PRKN: variants seen among roughly 807,000 people sequenced by gnomAD.
PRKN encodes the protein parkin RBR E3 ubiquitin protein ligase, also known as E3 ubiquitin-protein ligase parkin.
PRKN carries 56 observed loss-of-function variants against 59.5 expected under a neutral mutation model. The ratio of observed to expected loss-of-function variants is 0.94; its 90% CI spans 0.76 to 1.18. The LOEUF is 1.18. PRKN is among the 50% of genes most tolerant of loss of function. PRKN has a pLI of 0.00. For missense variants in PRKN, 657 were observed against 596.4 expected (o/e 1.10, Z -1.06); for synonymous variants, 250 against 222.1 (o/e 1.13, Z -1.12).
intron 9 of PRKN, among the ~76,000 whole-genome samples, chr6:161,492,542 A>G (rs914660215): frequency 6.6e-6 from 1 of 152,228 alleles, no homozygotes; most frequent in Non-Finnish European, 1.5e-5. Context: ...ATCTCTAATC[A>G]TAAGATAGTT....
At chr6:161,691,879 T>G (rs962804695) in intron 7 of PRKN, among the ~76,000 whole-genome samples, 1 of 151,172 alleles carries the variant, frequency 6.6e-6, no homozygotes. Context: ...TCTGGAATAC[T>G]GATTTTGGGG....
rs1193377456 is a variant in PRKN at position 161,448,586 on chromosome 6, C to T, written c.1084-61709G>A. Among the ~76,000 whole-genome samples, 2 of 152,148 alleles carry T rather than the reference C, an allele frequency of 1.3e-5. No individual in the cohort carries two copies. Among genetic ancestry groups the T allele is most frequent in the Non-Finnish European group, 2.9e-5 (2 of 68,036 alleles). On this transcript the variant is annotated intron_variant, in intron 9 of 11. Coordinates refer to ENST00000366898, the MANE Select transcript of PRKN (RefSeq NM_004562.3). This position sits in a 1 kb window ranked among gnomAD's most constrained non-coding sequence, Gnocchi z 5.1. ...TTCTCTTCTTTCTCTTTCTCTGTCCCCCGAGGTAGCATCTATGCTGACGTT... is the reference window on the plus strand; with the variant it reads ...TTCTCTTCTTTCTCTTTCTCTGTCCTCCGAGGTAGCATCTATGCTGACGTT...
chr6:162,528,314 G>A (rs1472544353), intron 1 of PRKN, among the ~76,000 whole-genome samples: 6 of 135,246 alleles, frequency 4.4e-5, no homozygotes, highest in South Asian at 2.3e-4. Flanking sequence ...GTGAAACTCC[G>A]TCTCAAAAGA....
intron 1 of PRKN, among the ~76,000 whole-genome samples, chr6:162,530,633 A>G (rs1778472040): frequency 6.6e-6 from 1 of 152,200 alleles, no homozygotes; most frequent in African/African-American, 2.4e-5. Context: ...GCAGTGAGAA[A>G]AGCACTGGAA....
At position 162,240,511 on chromosome 6, in the gene PRKN, A is replaced by G. The variant is rs914210147; in HGVS notation, c.412+22014T>C. ...GATTAGAAGCAATTAACTTATTTCT[A>G]TTTTGAAAAATTAGGCTAGCAAATG... On this transcript the variant is annotated intron_variant, in intron 3 of 11. Transcript: ENST00000366898. Among the ~76,000 whole-genome samples, 4 of 152,328 alleles carry G rather than the reference A, an allele frequency of 2.6e-5. No homozygotes were observed. In the South Asian group the frequency reaches 8.3e-4, roughly 32 times the overall value.
chr6:162,720,050 G>A (rs1265656012), intron 1 of PRKN, among the ~76,000 whole-genome samples: 2 of 152,052 alleles, frequency 1.3e-5, no homozygotes, highest in Non-Finnish European at 2.9e-5. Context: ...TACTCTGCGG[G>A]TACAATAAGC....
intron 1 of PRKN, among the ~76,000 whole-genome samples, chr6:162,573,342 G>A (rs548617595): frequency 6.6e-5 from 10 of 152,230 alleles, no homozygotes; most frequent in African/African-American, 2.2e-4. Flanking sequence ...GCAGGCCCAG[G>A]AGCTGATTTG....
chr6:161,412,200 T>C (rs1421403753), intron 9 of PRKN, among the ~76,000 whole-genome samples: 1 of 144,930 alleles, frequency 6.9e-6, no homozygotes, highest in Non-Finnish European at 1.5e-5. Flanking sequence ...CTCCACTCAC[T>C]CTTTCCTTCC....
At chr6:162,495,891 C>T (rs956166327) in intron 1 of PRKN, among the ~76,000 whole-genome samples, 3 of 152,150 alleles carry the variant, frequency 2.0e-5, no homozygotes, top group Non-Finnish European at 4.4e-5. Context: ...CCTTTCCATA[C>T]ATTCATTCAC....
At position 161,484,126 on chromosome 6, in the gene PRKN, G is replaced by A. The variant is rs541307326; in HGVS notation, c.1083+64728C>T. Among the ~76,000 whole-genome samples, 6 of 152,120 alleles carry A rather than the reference G, an allele frequency of 3.9e-5. No homozygotes were observed. Among genetic ancestry groups the A allele is most frequent in the African/African-American group, 4.8e-5 (2 of 41,488 alleles). Reference sequence around the variant, plus strand: ...TGTGCAGCAAAACACCATGGCACACGTTTACCTATATAACAAACCTGCACA... The same window carrying A: ...TGTGCAGCAAAACACCATGGCACACATTTACCTATATAACAAACCTGCACA... On this transcript the variant is annotated intron_variant, in intron 9 of 11. Transcript: ENST00000366898. The surrounding 1 kb of genome is among the most constrained non-coding windows in gnomAD (Gnocchi z 4.9).
At chr6:162,322,491 A>T (rs1409020238) in intron 2 of PRKN, among the ~76,000 whole-genome samples, 3 of 152,156 alleles carry the variant, frequency 2.0e-5, no homozygotes, top group African/African-American at 7.2e-5. Flanking sequence ...AAACATTTTG[A>T]AAATGTAGTA....
rs578087267 is a variant in PRKN at position 161,497,975 on chromosome 6, C to T, written c.1083+50879G>A. On this transcript the variant is annotated intron_variant, in intron 9 of 11. Coordinates refer to ENST00000366898, the MANE Select transcript of PRKN (RefSeq NM_004562.3). This position sits in a 1 kb window ranked among gnomAD's most constrained non-coding sequence, Gnocchi z 4.6. Reference sequence around the variant, plus strand: ...TATGCTTCTAAATCTGATCAAATGACGGGAGAGAGGAAACCTTTGCTTCCA... The same window carrying T: ...TATGCTTCTAAATCTGATCAAATGATGGGAGAGAGGAAACCTTTGCTTCCA... 1.1e-4 allele frequency among the ~76,000 whole-genome samples: 16 copies of T among 152,220 alleles called. No individual in the cohort carries two copies. Among genetic ancestry groups the T allele is most frequent in the South Asian group, 8.3e-4 (4 of 4,820 alleles).
chr6:161,795,960 C>A (rs1790830130), intron 6 of PRKN, among the ~76,000 whole-genome samples: 1 of 152,020 alleles, frequency 6.6e-6, no homozygotes, highest in Admixed American at 6.5e-5. Context: ...CAAATTCTTC[C>A]AGAAATTAAA....
intron 7 of PRKN, among the ~76,000 whole-genome samples, chr6:161,580,858 G>A (rs937116777): frequency 3.3e-5 from 5 of 151,968 alleles, no homozygotes; most frequent in Non-Finnish European, 5.9e-5. Context: ...TGTCAAAGCT[G>A]AAGATTATCC....
intron 7 of PRKN, among the ~76,000 whole-genome samples, chr6:161,591,681 A>T (rs906645976): frequency 1.3e-5 from 2 of 152,226 alleles, no homozygotes; most frequent in African/African-American, 2.4e-5. Context: ...ATTGCTACTG[A>T]AACTAATTGA....
chr6:162,026,932 C>G (rs1403061398), intron 5 of PRKN, among the ~76,000 whole-genome samples: 1 of 152,118 alleles, frequency 6.6e-6, no homozygotes, highest in African/African-American at 2.4e-5. Flanking sequence ...ATGGACTGTA[C>G]TTCAGGCATT....
At chr6:161,856,505 A>T (rs1447105730) in intron 6 of PRKN, among the ~76,000 whole-genome samples, 1 of 152,182 alleles carries the variant, frequency 6.6e-6, no homozygotes, top group African/African-American at 2.4e-5. Flanking sequence ...AATTTATAAC[A>T]TCATATTTCA....
intron 5 of PRKN, among the ~76,000 whole-genome samples, chr6:162,002,152 T>C (rs1782084286): frequency 1.3e-5 from 2 of 152,062 alleles, no homozygotes; most frequent in South Asian, 4.1e-4. Flanking sequence ...TTGTTTGTAG[T>C]AGGGTAATGC....
chr6:162,503,136 CTTTTTTTT>C (rs10629175), intron 1 of PRKN, among the ~76,000 whole-genome samples: 6 of 81,114 alleles, frequency 7.4e-5, no homozygotes, highest in East Asian at 6.6e-4. Flanking sequence ...GTCTTCATTT[CTTTTTTTT>C]TTTTTTTTTT....
Sources: allele counts gnomAD v4.1 joint callset (sites outside exome capture counted in the v4.1 genomes callset), GRCh38; gene constraint gnomAD v4.1.1; non-coding constraint Gnocchi (gnomAD v3.1); transcripts MANE v1.5; gene names NCBI Gene and HGNC (gene_info 2026-07-23, HGNC 2026-07-21).